The following PXK variants were observed in gnomAD, a reference collection of about 807,000 sequenced individuals.
PXK encodes the protein PX domain containing serine/threonine kinase like.
A neutral mutation model predicts 84.7 loss-of-function variants in PXK; 35 were observed. That is an observed-to-expected ratio of 0.41 (90% CI 0.32 to 0.55). The LOEUF (loss-of-function observed/expected upper bound fraction) is 0.55. Among genes scored for constraint, PXK ranks in the 20% least tolerant of loss-of-function variants. The pLI is 0.21. For synonymous variants in PXK, 253 were observed against 260.8 expected (o/e 0.97, Z 0.29); for missense variants, 634 against 699.7 (o/e 0.91, Z 1.06).
At chr3:58,386,290 CT>C (rs752411806) in intron 4 of PXK, among the ~76,000 whole-genome samples, 5,659 of 81,902 alleles carry the variant, frequency 0.069, 94 homozygotes, top group Middle Eastern at 0.12. Flanking sequence ...ATCCCCCTTA[CT>C]TTTTTTTTTT....
chr3:58,343,730 A>G (rs1035847200), intron 1 of PXK, among the ~76,000 whole-genome samples: 1 of 152,228 alleles, frequency 6.6e-6, no homozygotes, highest in Admixed American at 6.5e-5. Context: ...ATTTCAAACT[A>G]GCCCAGTCCC....
At chr3:58,336,059 ATATATATATATATTTTTTT>A (rs1372219910) in intron 1 of PXK, among the ~76,000 whole-genome samples, 4 of 58,384 alleles carry the variant, frequency 6.9e-5, no homozygotes, top group East Asian at 4.3e-4. Flanking sequence ...ATATATATAT[ATATATATATATATTTTTTT>A]TTTTTTTTTT....
Position 58,339,761 on chromosome 3 carries a change from C to A in PXK, c.102+6671C>A, listed in dbSNP as rs115417703. Among the ~76,000 whole-genome samples, 355 of 152,214 alleles carry A rather than the reference C, an allele frequency of 2.3e-3. 1 individual carries two copies. Among genetic ancestry groups the A allele is most frequent in the African/African-American group, 8.0e-3 (332 of 41,548 alleles). On this transcript the variant is annotated intron_variant, in intron 1 of 17. Transcript: ENST00000356151. ...CTAGGGAACAGTGGAAAGAGCCACC[C>A]ATGGGTACTTAGCTTCCATATGGAT... is the stretch of plus-strand genomic sequence containing the variant.
chr3:58,425,114 G>GA lies in PXK; in HGVS notation c.*157dup. 8.7e-7 allele frequency: 1 copy of GA among 1,145,492 alleles called. No individual in the cohort carries two copies. Among genetic ancestry groups the GA allele is most frequent in the Non-Finnish European group, 1.2e-6 (1 of 822,854 alleles). 71.0% of individuals were successfully genotyped at this position (1,145,492 alleles called of 1,614,324 possible). A position where few individuals can be genotyped will look rare whatever the true frequency, so the allele number is the denominator to read the frequency against. ...TGCTCATGTAAGCAGCTTTTCGAGA[G>GA]AAATAATTCTTTAAGCAGAATAAAG... On this transcript the variant is annotated 3_prime_UTR_variant, in exon 18 of 18. Coordinates refer to ENST00000356151, the MANE Select transcript of PXK (RefSeq NM_017771.5).
rs2098544230 is a variant in PXK, at chr3:58,385,572, C to G, written c.388+2872C>G. On this transcript the variant is annotated intron_variant, in intron 4 of 17. Transcript: ENST00000356151. The surrounding 1 kb of genome is among the most constrained non-coding windows in gnomAD (Gnocchi z 5.1). ...GGAGCGCAGTGGCACTATCCCAGCT[C>G]TGTGCAGCCGTGACCTTCTGGGTTC... is the stretch of plus-strand genomic sequence containing the variant. 6.6e-6 allele frequency among the ~76,000 whole-genome samples: 1 copy of G among 152,184 alleles called. No individual in the cohort carries two copies. The highest frequency in any genetic ancestry group is 2.1e-4 in the South Asian group (1 of 4,828).
chr3:58,375,327 TTTTC>T (rs2098431286), intron 3 of PXK, among the ~76,000 whole-genome samples: 1 of 152,170 alleles, frequency 6.6e-6, no homozygotes, highest in African/African-American at 2.4e-5. Flanking sequence ...ACAAAAGCAC[TTTTC>T]TTTCTTTAAT....
rs2057842926 is a variant in PXK at position 58,397,317 on chromosome 3, G to A, written c.984+117G>A. 1 of 1,248,328 alleles carries A rather than the reference G, an allele frequency of 8.0e-7. No homozygotes were observed. Among genetic ancestry groups the A allele is most frequent in the African/African-American group, 1.5e-5 (1 of 67,488 alleles). 77.3% of individuals were successfully genotyped at this position (1,248,328 alleles called of 1,614,324 possible). ...GAAAGGTATAGTTGGGACAGGCCTT[G>A]CCCGTCAGCCCTTGCAGCGTTGCTG... On this transcript the variant is annotated intron_variant, in intron 10 of 17. Transcript: ENST00000356151. This position sits in a 1 kb window ranked among gnomAD's most constrained non-coding sequence, Gnocchi z 4.7.
intron 3 of PXK, among the ~76,000 whole-genome samples, chr3:58,378,510 T>TGTG (rs1448463917): frequency 1.1e-3 from 31 of 27,692 alleles, no homozygotes; most frequent in African/African-American, 3.0e-3. Flanking sequence ...TTTTTTTTTT[T>TGTG]TTTGTGTGTG....
At chr3:58,337,670 A>G (rs957598467) in intron 1 of PXK, among the ~76,000 whole-genome samples, 3 of 152,066 alleles carry the variant, frequency 2.0e-5, no homozygotes, top group African/African-American at 4.8e-5. Flanking sequence ...GTGTCTTGCT[A>G]TGTTGTCCAG....
In PXK at chr3:58,397,498, C is replaced by T. The variant is rs185768745; in HGVS notation, c.985-107C>T. The T allele has an allele frequency of 1.1e-3, 1,085 of 972,476 alleles. 2 individuals carry two copies. The highest frequency in any genetic ancestry group is 1.6e-3 in the Non-Finnish European group (1,000 of 612,180). 60.2% of individuals were successfully genotyped at this position (972,476 alleles called of 1,614,324 possible). On this transcript the variant is annotated intron_variant, in intron 10 of 17. Transcript: ENST00000356151. The surrounding 1 kb of genome is among the most constrained non-coding windows in gnomAD (Gnocchi z 4.7). Reference sequence around the variant, plus strand: ...TTGCATTTACGTTACCAATTAGGAACGGGGCTATCCCTGGGCTTTGTTTCT... The same window carrying T: ...TTGCATTTACGTTACCAATTAGGAATGGGGCTATCCCTGGGCTTTGTTTCT...
At chr3:58,395,190 A>G (rs2057452592) in intron 8 of PXK, 88 bp downstream of exon 8, 2 of 855,482 alleles carry the variant, frequency 2.3e-6, no homozygotes, top group Non-Finnish European at 3.6e-6. Context: ...TCCAGAGGCT[A>G]GGCCCTGAGG....
intron 17 of PXK, chr3:58,422,330 T>C (rs894276633): frequency 1.0e-6 from 1 of 985,322 alleles, no homozygotes; most frequent in Non-Finnish European, 1.2e-6. Context: ...GCCCTGGTTG[T>C]ACATAAGAGC....
intron 1 of PXK, among the ~76,000 whole-genome samples, chr3:58,353,945 G>C (rs2098003587): frequency 6.6e-6 from 1 of 152,206 alleles, no homozygotes. Flanking sequence ...CTGGAGCAGA[G>C]AAGTAGCGTG....
At chr3:58,408,076 C>G (rs1576677826) in intron 13 of PXK, among the ~76,000 whole-genome samples, 1 of 152,280 alleles carries the variant, frequency 6.6e-6, no homozygotes, top group East Asian at 1.9e-4. Flanking sequence ...TCCAACTTCA[C>G]TCTTTTGTAT....
chr3:58,360,693 G>A (rs2098168673), intron 1 of PXK, among the ~76,000 whole-genome samples: 1 of 151,924 alleles, frequency 6.6e-6, no homozygotes, highest in Non-Finnish European at 1.5e-5. Flanking sequence ...TTAGCCGAGG[G>A]TGGTGGTGCA....
intron 1 of PXK, among the ~76,000 whole-genome samples, chr3:58,344,759 C>T (rs564500903): frequency 2.6e-5 from 4 of 152,272 alleles, no homozygotes; most frequent in South Asian, 4.1e-4. Context: ...ACCTTGGAGG[C>T]GGAGGCTGCA....
rs1169340017 is a variant in PXK at position 58,400,815 on chromosome 3, C to G, written c.1181+1438C>G. Among the ~76,000 whole-genome samples, 2 of 152,242 alleles carry G rather than the reference C, an allele frequency of 1.3e-5. No homozygotes were observed. The highest frequency in any genetic ancestry group is 3.9e-4 in the East Asian group (2 of 5,176). On this transcript the variant is annotated intron_variant, in intron 12 of 17. Coordinates refer to ENST00000356151, the MANE Select transcript of PXK (RefSeq NM_017771.5). This position sits in a 1 kb window ranked among gnomAD's most constrained non-coding sequence, Gnocchi z 4.0. The stretch of plus-strand genomic sequence containing the variant: ...CCTGTAATCCCAGCTACTCAGGAGG[C>G]TGAGGCAGAAGAATCACTTGAACTG...
intron 3 of PXK, among the ~76,000 whole-genome samples, chr3:58,374,635 G>C (rs2098422619): frequency 6.6e-6 from 1 of 152,200 alleles, no homozygotes; most frequent in Non-Finnish European, 1.5e-5. Flanking sequence ...ATCCTGGCTT[G>C]AAGTCATCAG....
chr3:58,413,017 C>A, intron 17 of PXK, 54 bp downstream of exon 17: 1 of 1,566,920 alleles, frequency 6.4e-7, no homozygotes, highest in African/African-American at 1.4e-5. Flanking sequence ...ACAGGAGGAG[C>A]GGGCTGTGCC....
Sources: allele counts gnomAD v4.1 joint callset (sites outside exome capture counted in the v4.1 genomes callset), GRCh38; gene constraint gnomAD v4.1.1; non-coding constraint Gnocchi (gnomAD v3.1); transcripts MANE v1.5; gene names NCBI Gene and HGNC (gene_info 2026-07-23, HGNC 2026-07-21).